The following PRKCB variants were observed in gnomAD, a reference collection of about 807,000 sequenced individuals.
The protein encoded by PRKCB is protein kinase C beta type.
PRKCB carries 13 observed loss-of-function variants against 81.5 expected under a neutral mutation model. That is an observed-to-expected ratio of 0.16 (90% CI 0.10 to 0.25). PRKCB has a LOEUF of 0.25. Among genes scored for constraint, PRKCB ranks in the 10% least tolerant of loss-of-function variants. The pLI is 1.00. For synonymous variants in PRKCB, 335 were observed against 321.4 expected, an observed-to-expected ratio of 1.04 and a Z score of -0.45; for missense variants, 509 against 875.7, an observed-to-expected ratio of 0.58 and a Z score of 5.29.
intron 2 of PRKCB, among the ~76,000 whole-genome samples, chr16:23,952,560 C>T (rs1466290293): frequency 2.0e-5 from 3 of 152,104 alleles, no homozygotes; most frequent in East Asian, 1.9e-4. Flanking sequence ...GGTTAAATAG[C>T]TCCCAGAGGC....
At chr16:23,891,736 G>A (rs1382410734) in intron 2 of PRKCB, among the ~76,000 whole-genome samples, 1 of 152,174 alleles carries the variant, frequency 6.6e-6, no homozygotes, top group South Asian at 2.1e-4. Context: ...AGTTTTCAAG[G>A]GGTCATGTTG....
At chr16:23,991,071 T>C (rs902992700) in intron 3 of PRKCB, among the ~76,000 whole-genome samples, 1 of 152,242 alleles carries the variant, frequency 6.6e-6, no homozygotes. Context: ...ACTTGACAGC[T>C]GACAGCTTGC....
At chr16:23,907,664 G>A (rs1045824770) in intron 2 of PRKCB, among the ~76,000 whole-genome samples, 7 of 152,226 alleles carry the variant, frequency 4.6e-5, no homozygotes, top group Non-Finnish European at 1.0e-4. Flanking sequence ...AGGCAGGAAG[G>A]GAGGTGCCTA....
intron 5 of PRKCB, among the ~76,000 whole-genome samples, chr16:24,067,942 A>C (rs1282381105): frequency 4.0e-4 from 41 of 103,766 alleles, no homozygotes; most frequent in South Asian, 2.4e-4. Flanking sequence ...ACTCCGTCTC[A>C]AAAAAAAAAA....
chr16:24,001,329 C>A (rs547135453), intron 3 of PRKCB, among the ~76,000 whole-genome samples: 1 of 152,152 alleles, frequency 6.6e-6, no homozygotes, highest in Non-Finnish European at 1.5e-5. Context: ...CTGTTAGGTC[C>A]TGTGATCTCC....
At chr16:24,131,921 T>C (rs1440756411) in intron 9 of PRKCB, among the ~76,000 whole-genome samples, 1 of 152,236 alleles carries the variant, frequency 6.6e-6, no homozygotes, top group Non-Finnish European at 1.5e-5. Flanking sequence ...TAAAGTCTTT[T>C]GTTACAATTC....
intron 3 of PRKCB, among the ~76,000 whole-genome samples, chr16:24,007,957 C>T (rs1965148681): frequency 6.6e-6 from 1 of 151,880 alleles, no homozygotes; most frequent in South Asian, 2.1e-4. Context: ...CATGAGGGCT[C>T]CCCCACCTCC....
intron 2 of PRKCB, among the ~76,000 whole-genome samples, chr16:23,862,591 G>GA (rs200830794): frequency 6.6e-6 from 1 of 152,090 alleles, no homozygotes; most frequent in Non-Finnish European, 1.5e-5. Context: ...GTAATTTCAG[G>GA]AAAAAATTTT....
chr16:24,130,903 C>T (rs543420045), intron 9 of PRKCB, among the ~76,000 whole-genome samples: 1 of 152,192 alleles, frequency 6.6e-6, no homozygotes, highest in Non-Finnish European at 1.5e-5. Flanking sequence ...GTCGTCTCAG[C>T]CACATTCCCT....
intron 2 of PRKCB, among the ~76,000 whole-genome samples, chr16:23,884,574 G>A (rs1349366355): frequency 1.3e-4 from 20 of 152,056 alleles, no homozygotes; most frequent in Admixed American, 1.0e-3. Context: ...TCACTCTGTC[G>A]CCTAGACTGG....
rs147975795 is a variant in PRKCB at position 24,113,044 on chromosome 16, A to C, written c.893A>C (p.Asn298Thr). The stretch of plus-strand genomic sequence containing the variant: ...GTGCCACCAGAAGGAAGTGAGGCCA[A>C]TGAAGAACTGCGGCAGAAATTTGAG... ...VPVPPEGSEA[N>T]EELRQKFERA... The change falls in exon 8 of 17, where the codon AAT becomes ACT. Residue 298 changes from asparagine to threonine, a missense_variant. Physicochemically the swap from Asn to Thr is moderately conservative, Grantham distance 65 (BLOSUM62 0). Around this residue, in one of 6 missense-constraint regions of PRKCB, gnomAD observed 80 missense variants for 89.4 expected, o/e 0.90. Coordinates refer to ENST00000643927, the MANE Select transcript of PRKCB (RefSeq NM_002738.7). The C allele has an allele frequency of 6.2e-7, 1 of 1,612,702 alleles. No homozygotes were observed. Among genetic ancestry groups the C allele is most frequent in the Non-Finnish European group, 8.5e-7 (1 of 1,179,308 alleles).
intron 2 of PRKCB, among the ~76,000 whole-genome samples, chr16:23,896,867 T>G (rs754439373): frequency 2.7e-5 from 4 of 149,626 alleles, no homozygotes; most frequent in Non-Finnish European, 5.9e-5. Context: ...TGGAAGGCTC[T>G]TCATCCATCC....
At chr16:23,923,218 C>T (rs897548407) in intron 2 of PRKCB, among the ~76,000 whole-genome samples, 3 of 152,054 alleles carry the variant, frequency 2.0e-5, no homozygotes, top group Admixed American at 2.0e-4. Flanking sequence ...GGGTAGCTGC[C>T]TTCAGGTATT....
chr16:23,874,714 T>C (rs907753191), intron 2 of PRKCB, among the ~76,000 whole-genome samples: 1 of 152,162 alleles, frequency 6.6e-6, no homozygotes, highest in African/African-American at 2.4e-5. Flanking sequence ...GGGCCACCAA[T>C]GTGTAATCAC....
intron 2 of PRKCB, among the ~76,000 whole-genome samples, chr16:23,879,517 T>G: frequency 2.8e-5 from 1 of 36,140 alleles, no homozygotes; most frequent in Non-Finnish European, 5.3e-5. Flanking sequence ...TTTTTTTTTT[T>G]TGAGACGGAG....
At chr16:24,021,853 A>G (rs1381237052) in intron 3 of PRKCB, among the ~76,000 whole-genome samples, 1 of 152,192 alleles carries the variant, frequency 6.6e-6, no homozygotes, top group Admixed American at 6.5e-5. Flanking sequence ...GACTCAGCAC[A>G]GTGCTTGGCA....
At chr16:24,028,808 T>G (rs1179068651) in intron 3 of PRKCB, among the ~76,000 whole-genome samples, 1 of 152,132 alleles carries the variant, frequency 6.6e-6, no homozygotes, top group Admixed American at 6.5e-5. Flanking sequence ...GTTGTTGTTT[T>G]TTTTTTTTCC....
At position 23,956,664 on chromosome 16, in the gene PRKCB, A is replaced by G. The variant is rs148676059; in HGVS notation, c.206-31844A>G. Among the ~76,000 whole-genome samples, 729 of 152,354 alleles carry G rather than the reference A, an allele frequency of 4.8e-3. 12 individuals carry two copies. Among genetic ancestry groups the G allele is most frequent in the African/African-American group, 0.016 (672 of 41,592 alleles). On this transcript the variant is annotated intron_variant, in intron 2 of 16. Transcript: ENST00000643927. ...TGTGCCAATTTATGCACCCACCAAC[A>G]GCGCACGAAAGTGCCTCTTAGAAAA...
intron 5 of PRKCB, among the ~76,000 whole-genome samples, chr16:24,042,443 T>C (rs1329462066): frequency 6.6e-6 from 1 of 152,212 alleles, no homozygotes; most frequent in Non-Finnish European, 1.5e-5. Context: ...TGTAATTTTT[T>C]CCCAAGTCTT....
Sources: gnomAD v4.1 joint callset for allele counts (sites outside exome capture counted in the v4.1 genomes callset) on GRCh38, gnomAD v4.1.1 for gene constraint, gnomAD v4.1.1 regional missense constraint, MANE v1.5 for transcripts, NCBI Gene and HGNC (gene_info 2026-07-23, HGNC 2026-07-21) for gene names.